Variants in GPCPD1 observed in about 807,000 individuals in gnomAD.
GPCPD1 encodes glycerophosphocholine phosphodiesterase GPCPD1.
Under a neutral mutation model 89.2 loss-of-function variants are expected in GPCPD1, and 29 were observed. The ratio of observed to expected loss-of-function variants is 0.33; its 90% confidence interval spans 0.24 to 0.44. The LOEUF (loss-of-function observed/expected upper bound fraction) is 0.44. Among genes scored for constraint, GPCPD1 ranks in the 20% least tolerant of loss-of-function variants. The pLI, the probability that GPCPD1 is intolerant of heterozygous loss-of-function variation, is 1.00. For synonymous variants in GPCPD1, 258 were observed against 266.3 expected, an observed-to-expected ratio of 0.97 and a Z score of 0.30; for missense variants, 594 against 808.9, an observed-to-expected ratio of 0.73 and a Z score of 3.22.
rs78925831 is a variant in GPCPD1, at chr20:5,582,946, G to C, written c.349+1335C>G. On this transcript the variant is annotated intron_variant, in intron 6 of 19. Coordinates refer to ENST00000379019, the MANE Select transcript of GPCPD1 (RefSeq NM_019593.5). Reference sequence around the variant, plus strand: ...GTATAATAGCCCTGATACACTGTAAGAATTCCAGCCAGGTGCGGTGGCACA... The same window carrying C: ...GTATAATAGCCCTGATACACTGTAACAATTCCAGCCAGGTGCGGTGGCACA... 2.8e-3 allele frequency among the ~76,000 whole-genome samples: 427 copies of C among 151,074 alleles called. 19 individuals are homozygous for C. In the East Asian group the frequency reaches 0.071, roughly 25 times the overall value.
In GPCPD1 at chr20:5,545,394, T is replaced by G. The variant is rs1168704512; in HGVS notation, c.*2267A>C. 1 of 152,208 alleles carries G rather than the reference T, an allele frequency of 6.6e-6. No individual in the cohort carries two copies. Among genetic ancestry groups the G allele is most frequent in the Non-Finnish European group, 1.5e-5 (1 of 68,048 alleles). 9.4% of individuals were successfully genotyped at this position (152,208 alleles called of 1,614,324 possible). ...CTCTGCCTACCTAGAACAGAATTAC[T>G]GTGATGCACAGCCTGATCAAGGTAC... On this transcript the variant is annotated 3_prime_UTR_variant, in exon 20 of 20. Transcript: ENST00000379019.
chr20:5,608,078 T>C (rs1980718126), intron 1 of GPCPD1, among the ~76,000 whole-genome samples: 1 of 152,192 alleles, frequency 6.6e-6, no homozygotes, highest in South Asian at 2.1e-4. Flanking sequence ...AAATCAGATA[T>C]TATTCCTATG....
At chr20:5,610,686 GT>G (rs1980908685) in intron 1 of GPCPD1, among the ~76,000 whole-genome samples, 155 bp downstream of exon 1, 1 of 151,280 alleles carries the variant, frequency 6.6e-6, no homozygotes, top group Admixed American at 6.6e-5. Flanking sequence ...CCCGGCCGCC[GT>G]TCCCCTGCGG....
chr20:5,610,589 T>C (rs944027024), intron 1 of GPCPD1, among the ~76,000 whole-genome samples: 1 of 152,052 alleles, frequency 6.6e-6, no homozygotes, highest in African/African-American at 2.4e-5. Context: ...AGAAGGGAAC[T>C]AAGCCCCAGG....
At chr20:5,567,343 A>C (rs1986443056) in intron 13 of GPCPD1, 140 bp downstream of exon 13, 1 of 1,034,926 alleles carries the variant, frequency 9.7e-7, no homozygotes, top group Non-Finnish European at 1.3e-6. Context: ...TCTCCCAAAC[A>C]GAACAGAATA....
At chr20:5,564,341 C>A (rs11087685) in intron 15 of GPCPD1, among the ~76,000 whole-genome samples, 59,143 of 150,258 alleles carry the variant, frequency 0.39, 11,774 homozygotes, top group East Asian at 0.48. Context: ...AAAAAAAAAA[C>A]CAAAAACTGC....
chr20:5,548,594 G>A (rs935768526), intron 19 of GPCPD1, among the ~76,000 whole-genome samples: 1 of 152,174 alleles, frequency 6.6e-6, no homozygotes, highest in African/African-American at 2.4e-5. Flanking sequence ...AGACAGAACA[G>A]AAGCATCTAA....
Position 5,604,451 on chromosome 20 carries a change from AAAG to A in GPCPD1, c.-28-14_-28-12del, listed in dbSNP as rs1306918936. ...TTTTATGATGTCGTGCTAGGAAAAA[AAAG>A]AAAAGTAACTTATAGTATAAAAATA... On this transcript the variant is annotated splice_polypyrimidine_tract_variant and intron_variant, in intron 1 of 19. Transcript: ENST00000379019. The A allele has an allele frequency of 3.1e-6, 4 of 1,294,938 alleles. No homozygotes were observed. Among genetic ancestry groups the A allele is most frequent in the Non-Finnish European group, 4.4e-6 (4 of 904,856 alleles). 80.2% of individuals were successfully genotyped at this position (1,294,938 alleles called of 1,614,324 possible).
chr20:5,549,861 T>C (rs796377074), intron 19 of GPCPD1, among the ~76,000 whole-genome samples: 2 of 149,940 alleles, frequency 1.3e-5, no homozygotes, highest in African/African-American at 4.9e-5. Context: ...GAAAAAAAGA[T>C]AGTTCTTGGA....
chr20:5,602,340 C>T (rs554988106), intron 2 of GPCPD1, among the ~76,000 whole-genome samples: 1 of 152,220 alleles, frequency 6.6e-6, no homozygotes, highest in Non-Finnish European at 1.5e-5. Flanking sequence ...GCTTCAACTG[C>T]CTGCCTACAA....
intron 2 of GPCPD1, 96 bp from the exon 3 acceptor site, chr20:5,598,917 C>T: frequency 1.3e-6 from 1 of 774,072 alleles, no homozygotes; most frequent in Non-Finnish European, 2.3e-6. Flanking sequence ...GATATGCTGC[C>T]CCCTTTAGCA....
intron 8 of GPCPD1, among the ~76,000 whole-genome samples, chr20:5,576,245 C>G (rs1218715470): frequency 6.6e-6 from 1 of 151,736 alleles, no homozygotes; most frequent in African/African-American, 2.4e-5. Flanking sequence ...ATAGTGAAAC[C>G]CCGTTTCTAC....
Position 5,604,445 on chromosome 20 carries a change from G to GAA in GPCPD1, c.-28-7_-28-6dup. The GAA allele has an allele frequency of 7.3e-7, 1 of 1,370,614 alleles. No homozygotes were observed. Among genetic ancestry groups the GAA allele is most frequent in the Non-Finnish European group, 1.0e-6 (1 of 976,324 alleles). 84.9% of individuals were successfully genotyped at this position (1,370,614 alleles called of 1,614,324 possible). A position where few individuals can be genotyped will look rare whatever the true frequency, so the allele number is the denominator to read the frequency against. On this transcript the variant is annotated splice_region_variant and splice_polypyrimidine_tract_variant and intron_variant, in intron 1 of 19. Coordinates refer to ENST00000379019, the MANE Select transcript of GPCPD1 (RefSeq NM_019593.5). ...GATTTATTTTATGATGTCGTGCTAGGAAAAAAAAGAAAAGTAACTTATAGT... is the reference window on the plus strand; with the variant it reads ...GATTTATTTTATGATGTCGTGCTAGGAAAAAAAAAAGAAAAGTAACTTATAGT...
chr20:5,547,993 T>C, intron 19 of GPCPD1, 143 bp from the exon 20 acceptor site: 1 of 487,462 alleles, frequency 2.1e-6, no homozygotes, highest in East Asian at 3.1e-5. Flanking sequence ...GTTTTAAAGA[T>C]GAAAGTATCC....
chr20:5,552,276 C>T (rs1166996481), intron 19 of GPCPD1, among the ~76,000 whole-genome samples: 1 of 152,172 alleles, frequency 6.6e-6, no homozygotes, highest in Non-Finnish European at 1.5e-5. Flanking sequence ...AAACCCTCAA[C>T]AGTCATGCCC....
chr20:5,557,910 A>C lies in GPCPD1; in HGVS notation c.1829+35T>G, dbSNP rs754912052. 16 of 1,224,714 alleles carry C rather than the reference A, an allele frequency of 1.3e-5. No individual in the cohort carries two copies. The South Asian group carries it at 2.1e-4, about 16-fold the overall frequency. The allele number at this position is 1,224,714 out of a possible 1,614,324, so 75.9% of individuals were successfully genotyped here. ...TTCGTAAGATGAAATCTATACTTCTAAATTCCATGAAAATTTTTCATGAAA... is the reference window on the plus strand; with the variant it reads ...TTCGTAAGATGAAATCTATACTTCTCAATTCCATGAAAATTTTTCATGAAA... On this transcript the variant is annotated intron_variant, in intron 19 of 19. Transcript: ENST00000379019.
chr20:5,570,987 T>C (rs1404525499), intron 11 of GPCPD1, among the ~76,000 whole-genome samples: 1 of 152,228 alleles, frequency 6.6e-6, no homozygotes, highest in African/African-American at 2.4e-5. Flanking sequence ...AAAGTCTGTA[T>C]GTCATAAACT....
chr20:5,558,714 T>G lies in GPCPD1; in HGVS notation c.1638A>C (p.Ala546=). The G allele has an allele frequency of 6.3e-7, 1 of 1,597,406 alleles. No individual in the cohort carries two copies. The change falls in exon 18 of 20, where the codon GCA becomes GCC. Residue 546 remains alanine, a synonymous_variant. Coordinates refer to ENST00000379019, the MANE Select transcript of GPCPD1 (RefSeq NM_019593.5). ...MDLRSRTTPI[A]MSFAQFENLL... Reference sequence around the variant, plus strand: ...GATTTTCAAACTGTGCAAAGCTCATTGCAATGGGGGTTGTCCGAGATCTGA... The same window carrying G: ...GATTTTCAAACTGTGCAAAGCTCATGGCAATGGGGGTTGTCCGAGATCTGA...
chr20:5,563,107 C>T (rs1242488438), intron 15 of GPCPD1, among the ~76,000 whole-genome samples: 2 of 151,934 alleles, frequency 1.3e-5, no homozygotes, highest in Non-Finnish European at 2.9e-5. Flanking sequence ...CTCAGCCTCC[C>T]GAGTAGCTGG....
Sources: gnomAD v4.1 joint callset for allele counts (sites outside exome capture counted in the v4.1 genomes callset) on GRCh38, gnomAD v4.1.1 for gene constraint, MANE v1.5 for transcripts, NCBI Gene and HGNC (gene_info 2026-07-23, HGNC 2026-07-21) for gene names.